SLC14A1: variants seen among roughly 807,000 people sequenced by gnomAD.
The protein encoded by SLC14A1 is solute carrier family 14 member 1 (Kidd blood group), also known as urea transporter 1.
Under a neutral mutation model 39.6 loss-of-function variants are expected in SLC14A1, and 36 were observed. The observed-to-expected ratio is 0.91, with a 90% CI of 0.70 to 1.20. The LOEUF is 1.20. Ranked by LOEUF, SLC14A1 falls within the 50% of genes most tolerant of loss-of-function variation. The probability of loss-of-function intolerance (pLI) is 0.00; values close to 1 mark genes in which losing one functional copy is unlikely to be tolerated. For missense variants in SLC14A1, 469 were observed against 478.7 expected (o/e 0.98, Z 0.19); for synonymous variants, 164 against 173.6 (o/e 0.94, Z 0.43).
Position 45,734,372 on chromosome 18 carries a change from T to C in SLC14A1, c.440T>C (p.Leu147Ser). The change falls in exon 5 of 10, where the codon TTA (leucine) becomes TCA (serine). Residue 147 changes from leucine to serine, a missense_variant. By Grantham distance (145) the Leu-to-Ser change is moderately radical. Transcript: ENST00000321925. Reference protein sequence around the residue: ...SDKGDYFWWLLLPVCAMSMTC... With the variant: ...SDKGDYFWWLSLPVCAMSMTC... ...AAGGGAGACTATTTCTGGTGGCTGT[T>C]ACTCCCTGTATGTGCTATGTCCATG... 1 of 1,613,976 alleles carries C rather than the reference T, an allele frequency of 6.2e-7. No homozygotes were observed. Among genetic ancestry groups the C allele is most frequent in the Non-Finnish European group, 8.5e-7 (1 of 1,179,948 alleles).
intron 8 of SLC14A1, among the ~76,000 whole-genome samples, chr18:45,742,277 G>A (rs1181181034): frequency 6.6e-6 from 1 of 152,088 alleles, no homozygotes; most frequent in Non-Finnish European, 1.5e-5. Flanking sequence ...CAAGATCAAG[G>A]AGAAGGCATT....
chr18:45,743,536 A>G (rs950633918), intron 8 of SLC14A1, among the ~76,000 whole-genome samples: 2 of 152,194 alleles, frequency 1.3e-5, no homozygotes, highest in African/African-American at 4.8e-5. Context: ...TTTGCTTATG[A>G]ATGTAAGCAA....
At position 45,739,391 on chromosome 18, in the gene SLC14A1, C is replaced by T. The variant is rs1311590195; in HGVS notation, c.811+81C>T. ...CTCAGGCATCTTCTGTGCTCCAGAT[C>T]TTCCTTGAGATCTTGGCTTCCTAGG... On this transcript the variant is annotated intron_variant, in intron 7 of 9. Transcript: ENST00000321925. 2.5e-6 allele frequency: 4 copies of T among 1,609,858 alleles called. No individual in the cohort carries two copies. In the Admixed American group the frequency reaches 5.0e-5, roughly 20 times the overall value.
chr18:45,738,345 T>C (rs2047258489), intron 6 of SLC14A1, among the ~76,000 whole-genome samples: 1 of 152,224 alleles, frequency 6.6e-6, no homozygotes, highest in South Asian at 2.1e-4. Flanking sequence ...ATGCTATGGC[T>C]AATTATGCCT....
At chr18:45,729,687 G>A (rs2046971141) in intron 2 of SLC14A1, 1 of 152,174 alleles carries the variant, frequency 6.6e-6, no homozygotes, top group Admixed American at 6.5e-5. Context: ...GCAGTCACAT[G>A]ACATAAGGAC....
Position 45,739,188 on chromosome 18 carries a change from T to C in SLC14A1, c.689T>C (p.Val230Ala), listed in dbSNP as rs778424269. 23 of 1,613,928 alleles carry C rather than the reference T, an allele frequency of 1.4e-5. No homozygotes were observed. The highest frequency in any genetic ancestry group is 1.9e-5 in the Non-Finnish European group (23 of 1,180,002). Residue 230 changes from valine (V) to alanine (A), a missense_variant, in exon 7 of 10, where the codon GTT (valine) becomes GCT (alanine). Coordinates refer to ENST00000321925, the MANE Select transcript of SLC14A1 (RefSeq NM_015865.7). The part of the protein sequence containing the change: ...LELLKSIPVG[V>A]GQIYGCDNPW... Reference sequence around the variant, plus strand: ...TTGTTGAAATCTATACCAGTGGGAGTTGGTCAGATCTATGGCTGTGATAAT... The same window carrying C: ...TTGTTGAAATCTATACCAGTGGGAGCTGGTCAGATCTATGGCTGTGATAAT...
chr18:45,730,493 G>A (rs760890257), intron 3 of SLC14A1, 22 bp downstream of exon 3: 2 of 1,613,526 alleles, frequency 1.2e-6, no homozygotes, highest in Non-Finnish European at 1.7e-6. Context: ...TTCACATTTT[G>A]GAGAGACAGG....
chr18:45,739,997 C>T (rs1438984224), intron 8 of SLC14A1: 54 of 378,168 alleles, frequency 1.4e-4, no homozygotes, highest in Non-Finnish European at 2.4e-4. Flanking sequence ...GTGCATGCCA[C>T]ACATGCCTTC....
intron 5 of SLC14A1, among the ~76,000 whole-genome samples, chr18:45,735,098 C>T (rs1313771660): frequency 6.6e-6 from 1 of 152,196 alleles, no homozygotes; most frequent in African/African-American, 2.4e-5. Flanking sequence ...GTGGCCCCCA[C>T]ATACACTTGA....
intron 5 of SLC14A1, among the ~76,000 whole-genome samples, chr18:45,734,979 CCT>C (rs1337220084): frequency 1.3e-5 from 2 of 152,208 alleles, no homozygotes; most frequent in African/African-American, 4.8e-5. Context: ...TCCACTAATA[CCT>C]CTCAACCAGA....
chr18:45,731,759 T>C (rs1372837357), intron 4 of SLC14A1: 1 of 177,120 alleles, frequency 5.6e-6, no homozygotes. Flanking sequence ...GCACACACTT[T>C]ATAAATTGAT....
intron 5 of SLC14A1, among the ~76,000 whole-genome samples, chr18:45,734,748 A>T (rs2047136871): frequency 6.6e-6 from 1 of 151,956 alleles, no homozygotes; most frequent in East Asian, 1.9e-4. Context: ...AGTGAGGAGG[A>T]GGAGGAGGAG....
At chr18:45,737,670 T>G (rs1414226737) in intron 6 of SLC14A1, 1 of 152,186 alleles carries the variant, frequency 6.6e-6, no homozygotes, top group Non-Finnish European at 1.5e-5. Flanking sequence ...AAAATAGCAT[T>G]AATCGATCTA....
At chr18:45,742,352 G>GTTTTTTTT (rs1491390496) in intron 8 of SLC14A1, among the ~76,000 whole-genome samples, 1 of 104,980 alleles carries the variant, frequency 9.5e-6, no homozygotes, top group Non-Finnish European at 1.9e-5. Flanking sequence ...TTTGTTTTTT[G>GTTTTTTTT]GTTTTTTTTT....
chr18:45,729,049 G>T (rs927295704), intron 2 of SLC14A1: 18 of 152,142 alleles, frequency 1.2e-4, no homozygotes, highest in African/African-American at 4.3e-4. Context: ...TATGGTAAAT[G>T]GAACAATGAT....
chr18:45,734,850 G>C (rs1411113594), intron 5 of SLC14A1, among the ~76,000 whole-genome samples: 4 of 152,092 alleles, frequency 2.6e-5, no homozygotes, highest in African/African-American at 4.8e-5. Flanking sequence ...CAGTTAAAAT[G>C]GTAAATTTAA....
chr18:45,731,292 C>A, intron 4 of SLC14A1, 88 bp downstream of exon 4: 1 of 1,258,110 alleles, frequency 7.9e-7, no homozygotes, highest in Non-Finnish European at 1.2e-6. Context: ...AAAACCACAT[C>A]CTTCCCAGGA....
chr18:45,731,008 C>T lies in SLC14A1; in HGVS notation c.152-7C>T, dbSNP rs2144754747. On this transcript the variant is annotated splice_polypyrimidine_tract_variant and splice_region_variant and intron_variant, in intron 3 of 9. Transcript: ENST00000321925. ...TCCTTAGCTCTGCTTTACCTCATCCCTTCCAGACAAACCCGTGGTGCTCCA... is the reference window on the plus strand; with the variant it reads ...TCCTTAGCTCTGCTTTACCTCATCCTTTCCAGACAAACCCGTGGTGCTCCA... The T allele has an allele frequency of 1.9e-6, 3 of 1,614,100 alleles. No homozygotes were observed. In the East Asian group the frequency reaches 6.7e-5, roughly 36 times the overall value.
chr18:45,726,984 CT>C (rs2046881417), intron 2 of SLC14A1: 1 of 326,490 alleles, frequency 3.1e-6, no homozygotes, highest in Non-Finnish European at 5.9e-6. Flanking sequence ...GCATTGGTCC[CT>C]GTGTAGGATG....
Sources: gnomAD v4.1 joint callset for allele counts (sites outside exome capture counted in the v4.1 genomes callset) on GRCh38, gnomAD v4.1.1 for gene constraint, MANE v1.5 for transcripts, NCBI Gene and HGNC (gene_info 2026-07-23, HGNC 2026-07-21) for gene names.